Variants in OSBPL8 observed in about 807,000 individuals in gnomAD.
OSBPL8 encodes the protein oxysterol-binding protein-related protein 8.
In OSBPL8, 59 loss-of-function variants were observed where a neutral mutation model predicts 125.5. That is an observed-to-expected ratio of 0.47 (90% CI 0.38 to 0.58). OSBPL8 has a LOEUF of 0.58. Ranked by LOEUF, OSBPL8 falls within the 20% of genes least tolerant of loss-of-function variation. OSBPL8 has a pLI of 0.00. For missense variants in OSBPL8, 758 were observed against 1,047.8 expected (o/e 0.72, Z 3.82); for synonymous variants, 330 against 338.9 (o/e 0.97, Z 0.29).
At position 76,527,250 on chromosome 12, in the gene OSBPL8, G is replaced by T. The variant is rs562832589; in HGVS notation, c.-68+32147C>A. ...ATTAAGGAGGGTGGTGGGCCGGGGT[G>T]GGGGGGGATTGTGCAACATGAGGCA... On this transcript the variant is annotated intron_variant, in intron 1 of 23. Transcript: ENST00000261183. Among the ~76,000 whole-genome samples the T allele has an allele frequency of 1.2e-4, 18 of 147,796 alleles. 1 individual carries two copies. In the South Asian group the frequency reaches 3.4e-3, roughly 28 times the overall value.
Position 76,450,964 on chromosome 12 carries a change from G to T in OSBPL8, c.104C>A (p.Ser35Tyr). The T allele has an allele frequency of 6.2e-7, 1 of 1,613,678 alleles. No individual in the cohort carries two copies. Among genetic ancestry groups the T allele is most frequent in the Non-Finnish European group, 8.5e-7 (1 of 1,179,834 alleles). The change falls in exon 4 of 24, where the codon TCT becomes TAT. Residue 35 changes from serine to tyrosine, a missense_variant. Physicochemically the swap from Ser to Tyr is moderately radical, Grantham distance 144. Coordinates refer to ENST00000261183, the MANE Select transcript of OSBPL8 (RefSeq NM_020841.5). ...PSTVVANSDE[S>Y]QLLTPGKMSQ... ...CATCTTTCCTGGTGTCAGAAGCTGAGATTCGTCACTGTTTGCTACAACAGC... is the reference window on the plus strand; with the variant it reads ...CATCTTTCCTGGTGTCAGAAGCTGATATTCGTCACTGTTTGCTACAACAGC...
At chr12:76,390,327 A>G in intron 11 of OSBPL8, 93 bp downstream of exon 11, 1 of 902,264 alleles carries the variant, frequency 1.1e-6, no homozygotes, top group Non-Finnish European at 1.7e-6. Flanking sequence ...ACAGAAAAAT[A>G]GGCAATAGAT....
At chr12:76,473,806 T>C (rs1017947131) in intron 2 of OSBPL8, among the ~76,000 whole-genome samples, 1 of 152,186 alleles carries the variant, frequency 6.6e-6, no homozygotes, top group African/African-American at 2.4e-5. Flanking sequence ...AGGAAAGTGA[T>C]TAAAGGTTCA....
chr12:76,460,088 A>G (rs1874534333), intron 2 of OSBPL8, among the ~76,000 whole-genome samples, 193 bp from the exon 3 acceptor site: 1 of 152,230 alleles, frequency 6.6e-6, no homozygotes, highest in South Asian at 2.1e-4. Flanking sequence ...ACACACAAAA[A>G]AAGATATTGG....
intron 1 of OSBPL8, among the ~76,000 whole-genome samples, chr12:76,557,892 T>C (rs1392958158): frequency 6.6e-6 from 1 of 152,170 alleles, no homozygotes; most frequent in Non-Finnish European, 1.5e-5. Context: ...AGATCAGAGA[T>C]TCAATAACTA....
intron 1 of OSBPL8, among the ~76,000 whole-genome samples, chr12:76,489,665 G>A (rs1454629979): frequency 6.6e-6 from 1 of 152,174 alleles, no homozygotes; most frequent in African/African-American, 2.4e-5. Context: ...AATGCACTTG[G>A]TCACCCAAAA....
intron 1 of OSBPL8, among the ~76,000 whole-genome samples, chr12:76,529,137 A>G (rs1194240102): frequency 6.6e-6 from 1 of 152,198 alleles, no homozygotes; most frequent in Non-Finnish European, 1.5e-5. Flanking sequence ...TAAGGATTCT[A>G]AGCTGTTTCT....
In OSBPL8 at chr12:76,450,982, A is replaced by G. The variant is rs1873334534; in HGVS notation, c.86T>C (p.Val29Ala). 2 of 1,612,740 alleles carry G rather than the reference A, an allele frequency of 1.2e-6. No homozygotes were observed. The highest frequency in any genetic ancestry group is 1.3e-5 in the African/African-American group (1 of 74,808). ...AAGCTGAGATTCGTCACTGTTTGCT[A>G]CAACAGCTCAAGGAAAGAAGGGAAA... ...SKDVLGPSTV[V>A]ANSDESQLLT... The change falls in exon 4 of 24, where the codon GTA (valine) becomes GCA (alanine). Residue 29 changes from valine (V) to alanine (A), a missense_variant. Coordinates refer to ENST00000261183, the MANE Select transcript of OSBPL8 (RefSeq NM_020841.5).
At position 76,351,962 on chromosome 12, in the gene OSBPL8, C is replaced by T. The variant is rs1951838992; in HGVS notation, c.*3927G>A. The T allele has an allele frequency of 6.6e-6, 1 of 152,184 alleles. No homozygotes were observed. The highest frequency in any genetic ancestry group is 6.5e-5 in the Admixed American group (1 of 15,280). The allele number at this position is 152,184 out of a possible 1,614,324, so 9.4% of individuals were successfully genotyped here. A position where few individuals can be genotyped will look rare whatever the true frequency, so the allele number is the denominator to read the frequency against. ...AAACAGTGGCCTATAACTATCTGTACATTTACTGTGCACCTTAAGGAAAAG... is the reference window on the plus strand; with the variant it reads ...AAACAGTGGCCTATAACTATCTGTATATTTACTGTGCACCTTAAGGAAAAG... On this transcript the variant is annotated 3_prime_UTR_variant, in exon 24 of 24. Transcript: ENST00000261183.
chr12:76,370,088 G>C (rs1282384421), intron 19 of OSBPL8, among the ~76,000 whole-genome samples: 1 of 152,114 alleles, frequency 6.6e-6, no homozygotes, highest in East Asian at 1.9e-4. Context: ...ATGATAGTAA[G>C]TGTTGAAGTG....
At chr12:76,419,185 G>A (rs1470550963) in intron 4 of OSBPL8, among the ~76,000 whole-genome samples, 4 of 147,922 alleles carry the variant, frequency 2.7e-5, no homozygotes, top group East Asian at 2.1e-4. Flanking sequence ...GCAGTGCGCC[G>A]AGATCACACC....
chr12:76,356,256 A>G (rs1156374428), intron 23 of OSBPL8, among the ~76,000 whole-genome samples: 1 of 152,154 alleles, frequency 6.6e-6, no homozygotes, highest in Non-Finnish European at 1.5e-5. Context: ...TCAATATTTC[A>G]ACTGATGCAT....
chr12:76,468,781 A>G (rs1057194879), intron 2 of OSBPL8, among the ~76,000 whole-genome samples: 14 of 152,234 alleles, frequency 9.2e-5, no homozygotes, highest in Admixed American at 2.0e-4. Flanking sequence ...CTCCACCATT[A>G]TAATGGTCTA....
At chr12:76,365,342 A>C (rs1473910412) in intron 21 of OSBPL8, among the ~76,000 whole-genome samples, 1 of 152,140 alleles carries the variant, frequency 6.6e-6, no homozygotes, top group Admixed American at 6.5e-5. Context: ...TATAGTTTTC[A>C]CTGTAGAAGT....
At position 76,384,234 on chromosome 12, in the gene OSBPL8, G is replaced by T. The variant is rs1592571993; in HGVS notation, c.1630+20C>A. On this transcript the variant is annotated intron_variant, in intron 15 of 23. Transcript: ENST00000261183. The stretch of plus-strand genomic sequence containing the variant: ...TAATACCTCCCAGGAGAGGGTGCAA[G>T]TTGGGACGGGAAAACTCACCATAAA... The T allele has an allele frequency of 7.1e-7, 1 of 1,409,702 alleles. No individual in the cohort carries two copies. The highest frequency in any genetic ancestry group is 9.7e-7 in the Non-Finnish European group (1 of 1,027,870). The allele number at this position is 1,409,702 out of a possible 1,614,324, so 87.3% of individuals were successfully genotyped here.
chr12:76,529,420 G>C (rs1450750468), intron 1 of OSBPL8, among the ~76,000 whole-genome samples: 1 of 151,522 alleles, frequency 6.6e-6, no homozygotes, highest in African/African-American at 2.4e-5. Flanking sequence ...ACGAAACCCA[G>C]CTGAAACCTT....
chr12:76,498,567 TA>T (rs1243314971), intron 1 of OSBPL8, among the ~76,000 whole-genome samples: 1 of 152,186 alleles, frequency 6.6e-6, no homozygotes, highest in Non-Finnish European at 1.5e-5. Flanking sequence ...GAATCCTTTT[TA>T]AAACAAAGAA....
chr12:76,365,257 T>C (rs1952373338), intron 21 of OSBPL8, among the ~76,000 whole-genome samples: 1 of 152,224 alleles, frequency 6.6e-6, no homozygotes, highest in African/African-American at 2.4e-5. Context: ...CTTAACAATA[T>C]TAACCTTTTC....
intron 1 of OSBPL8, among the ~76,000 whole-genome samples, chr12:76,525,732 TA>T (rs1302000629): frequency 2.6e-5 from 4 of 151,926 alleles, no homozygotes; most frequent in Non-Finnish European, 4.4e-5. Context: ...TGAGGGAGTA[TA>T]AAAAATAAAA....
Sources: allele counts gnomAD v4.1 joint callset (sites outside exome capture counted in the v4.1 genomes callset), GRCh38; gene constraint gnomAD v4.1.1; transcripts MANE v1.5; gene names NCBI Gene and HGNC (gene_info 2026-07-23, HGNC 2026-07-21).